Variants in HPSE2 observed in about 807,000 individuals in gnomAD.
HPSE2 encodes the protein heparanase 2 (inactive).
A neutral mutation model predicts 60.5 loss-of-function variants in HPSE2; 38 were observed. That is an observed-to-expected ratio of 0.63 (90% CI 0.48 to 0.82). The LOEUF (loss-of-function observed/expected upper bound fraction) is 0.82, where lower values mean the gene tolerates loss of function less well. HPSE2 is among the 40% of genes least tolerant of loss of function. The pLI, the probability that HPSE2 is intolerant of heterozygous loss-of-function variation, is 0.00. For missense variants in HPSE2, 713 were observed against 740.4 expected (o/e 0.96, Z 0.43); for synonymous variants, 295 against 293.2 (o/e 1.01, Z -0.06).
intron 2 of HPSE2, among the ~76,000 whole-genome samples, chr10:99,208,713 T>G (rs1292344810): frequency 6.7e-6 from 1 of 148,906 alleles, no homozygotes; most frequent in African/African-American, 2.5e-5. Context: ...AAAAAAGACA[T>G]AGAGTGACTG....
chr10:98,465,541 G>A (rs1328585688), intron 11 of HPSE2, among the ~76,000 whole-genome samples: 1 of 152,184 alleles, frequency 6.6e-6, no homozygotes, highest in Non-Finnish European at 1.5e-5. Context: ...ATGGGGACAA[G>A]GTTAGACAGG....
chr10:99,099,715 C>T (rs565346432), intron 3 of HPSE2, among the ~76,000 whole-genome samples: 11 of 152,290 alleles, frequency 7.2e-5, no homozygotes, highest in African/African-American at 1.7e-4. Context: ...CCCTGATCCC[C>T]GAGTAGCCTA....
intron 9 of HPSE2, among the ~76,000 whole-genome samples, chr10:98,543,830 A>T (rs1159867752): frequency 6.6e-6 from 1 of 152,170 alleles, no homozygotes; most frequent in Non-Finnish European, 1.5e-5. Context: ...TTCATGAAGC[A>T]AGTCCTGAGT....
At chr10:98,577,859 TTTTCA>T (rs1944685056) in intron 9 of HPSE2, among the ~76,000 whole-genome samples, 1 of 152,202 alleles carries the variant, frequency 6.6e-6, no homozygotes. Flanking sequence ...TCTGATTTCT[TTTTCA>T]TTTCATTTAT....
chr10:98,704,534 A>C (rs192890967), intron 5 of HPSE2, among the ~76,000 whole-genome samples: 179 of 152,332 alleles, frequency 1.2e-3, no homozygotes, highest in Middle Eastern at 3.4e-3. Context: ...CAGTATTTAA[A>C]ACAGCATGGT....
At chr10:98,953,239 C>A (rs1955418029) in intron 3 of HPSE2, among the ~76,000 whole-genome samples, 1 of 152,190 alleles carries the variant, frequency 6.6e-6, no homozygotes. Flanking sequence ...TCCGTGAGAG[C>A]TGTAAGTCAT....
intron 2 of HPSE2, among the ~76,000 whole-genome samples, chr10:99,152,422 C>A (rs1409903765): frequency 2.0e-5 from 3 of 151,618 alleles, no homozygotes; most frequent in African/African-American, 7.3e-5. Flanking sequence ...AGTAATAACT[C>A]AGATACACAG....
At chr10:99,307,867 C>A in the HPSE2 span, among the ~76,000 whole-genome samples, 1 of 151,416 alleles carries the variant, frequency 6.6e-6, no homozygotes, top group Non-Finnish European at 1.5e-5. Context: ...CACACACACA[C>A]AAATGGCTAC....
intron 3 of HPSE2, among the ~76,000 whole-genome samples, chr10:98,922,429 G>T (rs926499225): frequency 6.6e-6 from 1 of 152,162 alleles, no homozygotes; most frequent in African/African-American, 2.4e-5. Flanking sequence ...CATATTATGA[G>T]TCTCATTTCA....
chr10:99,018,056 C>A (rs557253698), intron 3 of HPSE2, among the ~76,000 whole-genome samples: 2 of 152,194 alleles, frequency 1.3e-5, no homozygotes, highest in African/African-American at 4.8e-5. Flanking sequence ...TCCTTACCAC[C>A]TAACAGTTCA....
chr10:98,714,277 G>T (rs778453628), intron 5 of HPSE2, among the ~76,000 whole-genome samples: 30 of 151,730 alleles, frequency 2.0e-4, no homozygotes, highest in Non-Finnish European at 3.8e-4. Context: ...TTATTATATT[G>T]TAAGTGTTGT....
At chr10:99,116,313 C>T (rs1322928982) in intron 3 of HPSE2, among the ~76,000 whole-genome samples, 1 of 152,030 alleles carries the variant, frequency 6.6e-6, no homozygotes, top group African/African-American at 2.4e-5. Flanking sequence ...CATTTCTGCA[C>T]CAAGGGCCCA....
intron 3 of HPSE2, among the ~76,000 whole-genome samples, chr10:98,910,309 T>C (rs183462334): frequency 1.2e-4 from 18 of 152,252 alleles, no homozygotes; most frequent in Middle Eastern, 3.4e-3. Flanking sequence ...GCCCTCAGTA[T>C]AGCATCAGAC....
the HPSE2 span, among the ~76,000 whole-genome samples, chr10:99,272,074 C>A: frequency 6.6e-6 from 1 of 152,116 alleles, no homozygotes; most frequent in African/African-American, 2.4e-5. Flanking sequence ...AGTTCGAGAC[C>A]GGCCAGGCCA....
intron 3 of HPSE2, among the ~76,000 whole-genome samples, chr10:98,852,157 GTGTGTGTGTA>G (rs1320099813): frequency 7.1e-4 from 93 of 130,744 alleles, no homozygotes; most frequent in African/African-American, 2.9e-3. Flanking sequence ...GTGTGTGTGT[GTGTGTGTGTA>G]TATATGTTTG....
intron 9 of HPSE2, among the ~76,000 whole-genome samples, chr10:98,537,283 T>A (rs1207008183): frequency 6.6e-6 from 1 of 152,204 alleles, no homozygotes; most frequent in Non-Finnish European, 1.5e-5. Flanking sequence ...CAGTTGTTTA[T>A]GTCCAGCAGA....
At chr10:98,655,106 C>T (rs1309074068) in intron 6 of HPSE2, among the ~76,000 whole-genome samples, 1 of 152,114 alleles carries the variant, frequency 6.6e-6, no homozygotes, top group Non-Finnish European at 1.5e-5. Flanking sequence ...TGTCCCTGGG[C>T]TATGATCTTC....
At chr10:98,968,441 G>T (rs938848969) in intron 3 of HPSE2, among the ~76,000 whole-genome samples, 1 of 152,122 alleles carries the variant, frequency 6.6e-6, no homozygotes, top group African/African-American at 2.4e-5. Context: ...AAACAGTATG[G>T]AGCTTCCTTA....
intron 11 of HPSE2, among the ~76,000 whole-genome samples, chr10:98,475,805 G>A (rs1940988212): frequency 6.6e-6 from 1 of 152,136 alleles, no homozygotes; most frequent in Non-Finnish European, 1.5e-5. Context: ...TTCTGTGATT[G>A]GGAGACAGTC....
Sources: allele counts gnomAD v4.1 joint callset (sites outside exome capture counted in the v4.1 genomes callset), GRCh38; gene constraint gnomAD v4.1.1; transcripts MANE v1.5; gene names NCBI Gene and HGNC (gene_info 2026-07-23, HGNC 2026-07-21).